The following PRKG1 variants were observed in gnomAD, a reference collection of about 807,000 sequenced individuals.
PRKG1 encodes protein kinase cGMP-dependent 1.
In PRKG1, 35 loss-of-function variants were observed where a neutral mutation model predicts 88.1. The ratio of observed to expected loss-of-function variants is 0.40; its 90% CI spans 0.30 to 0.53. The LOEUF is 0.53. Among genes scored for constraint, PRKG1 ranks in the 20% least tolerant of loss-of-function variants. The pLI is 0.59. For synonymous variants in PRKG1, 303 were observed against 292.5 expected (o/e 1.04, Z -0.37); for missense variants, 540 against 839.8 (o/e 0.64, Z 4.41).
At chr10:51,463,418 T>C (rs1027165869) in intron 2 of PRKG1, among the ~76,000 whole-genome samples, 7 of 152,104 alleles carry the variant, frequency 4.6e-5, no homozygotes, top group Non-Finnish European at 8.8e-5. Context: ...AATAATAACA[T>C]ATAAGTTCAT....
chr10:51,417,168 A>G (rs2053631), intron 2 of PRKG1, among the ~76,000 whole-genome samples: 120,625 of 152,124 alleles, frequency 0.79, 48,362 homozygotes, highest in Non-Finnish European at 0.84. Flanking sequence ...ACCAATATCA[A>G]CTGACATAAT....
intron 2 of PRKG1, among the ~76,000 whole-genome samples, chr10:51,432,677 G>T (rs1588952529): frequency 6.6e-6 from 1 of 150,744 alleles, no homozygotes; most frequent in Admixed American, 6.6e-5. Flanking sequence ...GTACCTTAGG[G>T]TGTCTGCTTA....
At chr10:51,469,222 A>G (rs58945034) in intron 3 of PRKG1, among the ~76,000 whole-genome samples, 69 of 152,002 alleles carry the variant, frequency 4.5e-4, no homozygotes, top group African/African-American at 1.6e-3. Flanking sequence ...CTTCATTTTC[A>G]TGAGAAATAT....
chr10:51,041,413 G>A (rs1843419658), intron 1 of PRKG1, among the ~76,000 whole-genome samples: 1 of 152,128 alleles, frequency 6.6e-6, no homozygotes, highest in African/African-American at 2.4e-5. Flanking sequence ...AGCCACCACG[G>A]CTGGGCATGT....
chr10:51,888,731 C>T (rs894124438), intron 4 of PRKG1, among the ~76,000 whole-genome samples: 1 of 152,160 alleles, frequency 6.6e-6, no homozygotes, highest in Admixed American at 6.5e-5. Flanking sequence ...CACTTAGATA[C>T]AGAACAGTGA....
rs147675370 is a variant in PRKG1, at chr10:51,322,285, C to T, written c.479-145438C>T. Reference sequence around the variant, plus strand: ...AAAAAATATAAAAAAGTGCATCTCTCATCCTGAGAGTCAACTTGAGCAAAT... The same window carrying T: ...AAAAAATATAAAAAAGTGCATCTCTTATCCTGAGAGTCAACTTGAGCAAAT... On this transcript the variant is annotated intron_variant, in intron 2 of 17. Coordinates refer to ENST00000373980, the MANE Select transcript of PRKG1 (RefSeq NM_006258.4). Among the ~76,000 whole-genome samples, 299 of 152,320 alleles carry T rather than the reference C, an allele frequency of 2.0e-3. 1 individual carries two copies. Among genetic ancestry groups the T allele is most frequent in the African/African-American group, 7.0e-3 (292 of 41,566 alleles).
chr10:52,264,685 T>A (rs1841528055), intron 10 of PRKG1, among the ~76,000 whole-genome samples: 1 of 152,106 alleles, frequency 6.6e-6, no homozygotes, highest in Non-Finnish European at 1.5e-5. Context: ...TTTGCAGCTA[T>A]TACAATTACG....
intron 2 of PRKG1, among the ~76,000 whole-genome samples, chr10:51,465,693 G>A (rs1203730650): frequency 6.6e-6 from 1 of 152,136 alleles, no homozygotes; most frequent in East Asian, 1.9e-4. Context: ...ACCCCCCATA[G>A]AGAGGGAATC....
chr10:51,169,487 T>G (rs1846638941), intron 2 of PRKG1, among the ~76,000 whole-genome samples: 1 of 152,202 alleles, frequency 6.6e-6, no homozygotes, highest in Non-Finnish European at 1.5e-5. Context: ...ATGCTGTTTT[T>G]ACTTCTTTTT....
intron 9 of PRKG1, among the ~76,000 whole-genome samples, chr10:52,239,521 T>TAAAAAAA: frequency 1.1e-4 from 6 of 56,738 alleles, no homozygotes; most frequent in East Asian, 6.0e-4. Flanking sequence ...TTCTACAGTG[T>TAAAAAAA]AAAAAAAAAA....
At chr10:51,306,037 G>A (rs192915581) in intron 2 of PRKG1, among the ~76,000 whole-genome samples, 319 of 152,252 alleles carry the variant, frequency 2.1e-3, no homozygotes, top group Middle Eastern at 6.8e-3. Context: ...TTAATTCTTG[G>A]AATAGCTCTG....
chr10:51,728,036 A>G (rs570186885), intron 3 of PRKG1, among the ~76,000 whole-genome samples: 78 of 152,258 alleles, frequency 5.1e-4, no homozygotes, highest in African/African-American at 1.8e-3. Context: ...CAAAAATAGT[A>G]CCTCCTTCAG....
At chr10:51,822,574 C>G (rs575932677) in intron 4 of PRKG1, among the ~76,000 whole-genome samples, 1 of 152,134 alleles carries the variant, frequency 6.6e-6, no homozygotes, top group Non-Finnish European at 1.5e-5. Context: ...GGCATACACA[C>G]GTACCATGGG....
At chr10:51,625,240 G>A (rs374980622) in intron 3 of PRKG1, among the ~76,000 whole-genome samples, 79 of 152,314 alleles carry the variant, frequency 5.2e-4, no homozygotes, top group African/African-American at 1.8e-3. Context: ...CACTTTGGGA[G>A]GCTGAGCGGG....
At chr10:51,544,719 T>G (rs1376067215) in intron 3 of PRKG1, among the ~76,000 whole-genome samples, 1 of 152,146 alleles carries the variant, frequency 6.6e-6, no homozygotes, top group Non-Finnish European at 1.5e-5. Flanking sequence ...CAGCACCTGT[T>G]GTTTCCTGAC....
chr10:51,012,943 G>A (rs1843011697), intron 1 of PRKG1, among the ~76,000 whole-genome samples: 1 of 152,164 alleles, frequency 6.6e-6, no homozygotes, highest in South Asian at 2.1e-4. Context: ...TTAGACAGAA[G>A]GAAGAATATG....
chr10:51,809,702 G>C (rs1164724901), intron 4 of PRKG1, among the ~76,000 whole-genome samples: 1 of 152,162 alleles, frequency 6.6e-6, no homozygotes, highest in Non-Finnish European at 1.5e-5. Flanking sequence ...AAGCTACACA[G>C]TAGATCCTGT....
intron 4 of PRKG1, among the ~76,000 whole-genome samples, chr10:51,857,792 A>G (rs965927775): frequency 4.0e-5 from 6 of 151,828 alleles, no homozygotes; most frequent in Non-Finnish European, 5.9e-5. Flanking sequence ...GCAAAATGTA[A>G]TCACATTCAG....
chr10:51,342,722 C>T (rs1304841417), intron 2 of PRKG1, among the ~76,000 whole-genome samples: 1 of 152,116 alleles, frequency 6.6e-6, no homozygotes, highest in Non-Finnish European at 1.5e-5. Flanking sequence ...AATACCATTA[C>T]AGGTAATACA....
Sources: allele counts gnomAD v4.1 joint callset (sites outside exome capture counted in the v4.1 genomes callset), GRCh38; gene constraint gnomAD v4.1.1; transcripts MANE v1.5; gene names NCBI Gene and HGNC (gene_info 2026-07-23, HGNC 2026-07-21).